The following EYS variants were observed in gnomAD, a reference collection of about 807,000 sequenced individuals.
EYS encodes the protein EGF-like photoreceptor maintenance factor, also known as protein eyes shut homolog.
EYS carries 250 observed loss-of-function variants against 282.1 expected under a neutral mutation model. The ratio of observed to expected loss-of-function variants is 0.89; its 90% CI spans 0.80 to 0.98. The LOEUF is 0.98. Ranked by LOEUF, EYS falls within the 50% of genes least tolerant of loss-of-function variation. The pLI is 0.00. For synonymous variants in EYS, 1,355 were observed against 1,282.9 expected (o/e 1.06, Z -1.20); for missense variants, 4,016 against 3,709.0 (o/e 1.08, Z -2.15).
At chr6:63,785,825 C>T (rs1382013238) in intron 39 of EYS, among the ~76,000 whole-genome samples, 1 of 151,978 alleles carries the variant, frequency 6.6e-6, no homozygotes, top group African/African-American at 2.4e-5. Flanking sequence ...CCTGGGCAAC[C>T]TGGAAAATCC....
intron 26 of EYS, among the ~76,000 whole-genome samples, chr6:64,584,219 A>C (rs983139321): frequency 6.6e-6 from 1 of 151,980 alleles, no homozygotes; most frequent in Non-Finnish European, 1.5e-5. Flanking sequence ...AAATATTAAA[A>C]ACAACATTAA....
intron 2 of EYS, among the ~76,000 whole-genome samples, chr6:65,600,593 C>T (rs16896896): frequency 0.14 from 21,303 of 151,966 alleles, 1,565 homozygotes; most frequent in South Asian, 0.2. Flanking sequence ...AATGTCCCCT[C>T]GTGAACACGA....
chr6:63,904,404 T>G (rs1247597072), intron 35 of EYS, among the ~76,000 whole-genome samples: 1 of 152,212 alleles, frequency 6.6e-6, no homozygotes, highest in African/African-American at 2.4e-5. Context: ...AATGTATCCA[T>G]GCCCGATAGC....
intron 12 of EYS, among the ~76,000 whole-genome samples, chr6:65,165,857 C>G (rs1029359324): frequency 4.0e-5 from 6 of 151,108 alleles, no homozygotes; most frequent in African/African-American, 1.5e-4. Context: ...CACACACAAA[C>G]TTAGAACCAA....
chr6:64,651,400 C>G (rs1331044072), intron 22 of EYS, among the ~76,000 whole-genome samples: 1 of 151,772 alleles, frequency 6.6e-6, no homozygotes, highest in Non-Finnish European at 1.5e-5. Flanking sequence ...TAAAAATAAG[C>G]CATTAGATTA....
chr6:64,727,249 G>C (rs1162497546), intron 22 of EYS, among the ~76,000 whole-genome samples: 1 of 152,118 alleles, frequency 6.6e-6, no homozygotes, highest in East Asian at 1.9e-4. Flanking sequence ...TCTTGGAGGT[G>C]GGACGATGCT....
intron 35 of EYS, among the ~76,000 whole-genome samples, chr6:63,943,830 C>A (rs1298357799): frequency 6.6e-6 from 1 of 152,168 alleles, no homozygotes; most frequent in African/African-American, 2.4e-5. Flanking sequence ...ACCTAGTTTC[C>A]TTTGTTTGTG....
chr6:64,280,343 T>C (rs1324745027), intron 30 of EYS, among the ~76,000 whole-genome samples: 1 of 152,144 alleles, frequency 6.6e-6, no homozygotes, highest in Admixed American at 6.6e-5. Context: ...TAACCTCACC[T>C]AGATAAGAAA....
chr6:64,279,828 C>G (rs1418071798), intron 30 of EYS, among the ~76,000 whole-genome samples: 1 of 152,118 alleles, frequency 6.6e-6, no homozygotes, highest in African/African-American at 2.4e-5. Context: ...ATCTAAGCAG[C>G]TTGTACTCCT....
rs190898462 is a variant in EYS at position 65,665,173 on chromosome 6, T to C, written c.-447-25281A>G. Among the ~76,000 whole-genome samples, 5 of 152,286 alleles carry C rather than the reference T, an allele frequency of 3.3e-5. No individual in the cohort carries two copies. In the East Asian group the frequency reaches 9.6e-4, roughly 29 times the overall value. On this transcript the variant is annotated intron_variant, in intron 1 of 42. Coordinates refer to ENST00000503581, the MANE Select transcript of EYS (RefSeq NM_001142800.2). ...TATAGTTCAGTTTTAACTAGGGACA[T>C]ACAAGTCATAATGTCTTAACTTCAA...
chr6:65,160,044 T>A (rs1163188606), intron 12 of EYS, among the ~76,000 whole-genome samples: 1 of 151,042 alleles, frequency 6.6e-6, no homozygotes, highest in Non-Finnish European at 1.5e-5. Flanking sequence ...CTGCCACAAT[T>A]TGATTTTTTG....
At chr6:64,420,058 T>G (rs917964522) in intron 28 of EYS, among the ~76,000 whole-genome samples, 2 of 152,172 alleles carry the variant, frequency 1.3e-5, no homozygotes, top group African/African-American at 4.8e-5. Context: ...CCATACCTGG[T>G]GGAGGTATGA....
chr6:65,549,848 C>T (rs183751399), intron 2 of EYS, among the ~76,000 whole-genome samples: 4 of 152,120 alleles, frequency 2.6e-5, no homozygotes, highest in African/African-American at 7.2e-5. Context: ...CAATGGCTGC[C>T]GCCCATTGGC....
chr6:65,542,813 A>T (rs1056342372), intron 2 of EYS, among the ~76,000 whole-genome samples: 1 of 152,124 alleles, frequency 6.6e-6, no homozygotes, highest in African/African-American at 2.4e-5. Context: ...AATGACTTGA[A>T]TTTTTTTAAA....
At chr6:64,276,176 T>C (rs985589057) in intron 30 of EYS, among the ~76,000 whole-genome samples, 1 of 152,166 alleles carries the variant, frequency 6.6e-6, no homozygotes, top group African/African-American at 2.4e-5. Context: ...GATTGACAGT[T>C]TGATTACTAG....
chr6:64,582,561 G>A (rs957529705), intron 26 of EYS, among the ~76,000 whole-genome samples: 5 of 149,546 alleles, frequency 3.3e-5, no homozygotes, highest in Non-Finnish European at 7.4e-5. Flanking sequence ...TGGCCTGCAG[G>A]CTATAGTTTG....
At chr6:64,448,558 C>G (rs1775201937) in intron 26 of EYS, among the ~76,000 whole-genome samples, 1 of 152,212 alleles carries the variant, frequency 6.6e-6, no homozygotes, top group Non-Finnish European at 1.5e-5. Flanking sequence ...AGACTGCCTC[C>G]TCAAGTGGGT....
chr6:65,226,121 TAAG>T (rs1292905302), intron 12 of EYS, among the ~76,000 whole-genome samples: 2 of 152,026 alleles, frequency 1.3e-5, no homozygotes, highest in African/African-American at 4.8e-5. Flanking sequence ...AGGAAATTCT[TAAG>T]AATAGTAAAA....
At chr6:65,251,039 G>C (rs1361452031) in intron 12 of EYS, among the ~76,000 whole-genome samples, 6 of 88,820 alleles carry the variant, frequency 6.8e-5, no homozygotes, top group East Asian at 9.9e-4. Flanking sequence ...AATAACAACA[G>C]AAAAAAAAAA....
Sources: allele counts gnomAD v4.1 joint callset (sites outside exome capture counted in the v4.1 genomes callset), GRCh38; gene constraint gnomAD v4.1.1; transcripts MANE v1.5; gene names NCBI Gene and HGNC (gene_info 2026-07-23, HGNC 2026-07-21).